The following OSBP2 variants were observed in gnomAD, a reference collection of about 807,000 sequenced individuals.
OSBP2 encodes oxysterol-binding protein 2.
OSBP2 carries 66 observed loss-of-function variants against 96.0 expected under a neutral mutation model. The observed-to-expected ratio is 0.69, with a 90% confidence interval of 0.56 to 0.84. OSBP2 has a LOEUF of 0.84. OSBP2 is among the 40% of genes least tolerant of loss of function. The pLI is 0.00. For missense variants in OSBP2, 1,038 were observed against 1,222.7 expected, an observed-to-expected ratio of 0.85 and a Z score of 2.25; for synonymous variants, 525 against 520.9, an observed-to-expected ratio of 1.01 and a Z score of -0.11.
At chr22:30,742,256 A>T in intron 2 of OSBP2, among the ~76,000 whole-genome samples, 1 of 151,650 alleles carries the variant, frequency 6.6e-6, no homozygotes, top group Non-Finnish European at 1.5e-5. Context: ...CATGGTGAAA[A>T]CCTGTCTGTA....
chr22:30,761,770 T>C (rs1179041202), intron 2 of OSBP2, among the ~76,000 whole-genome samples: 1 of 151,958 alleles, frequency 6.6e-6, no homozygotes, highest in Non-Finnish European at 1.5e-5. Context: ...GAATGGAGAG[T>C]CCAGAAATGG....
chr22:30,876,581 G>C (rs2039584856), intron 3 of OSBP2, among the ~76,000 whole-genome samples: 1 of 152,210 alleles, frequency 6.6e-6, no homozygotes, highest in Non-Finnish European at 1.5e-5. Flanking sequence ...GTTCCCCACA[G>C]GCCACCTGTC....
At chr22:30,799,013 CA>C (rs136275) in intron 2 of OSBP2, among the ~76,000 whole-genome samples, 25,656 of 91,744 alleles carry the variant, frequency 0.28, 2,631 homozygotes, top group Middle Eastern at 0.37. Context: ...GACTCTGTCT[CA>C]AAAAAAAAAA....
At chr22:30,904,624 A>T (rs988552962) in intron 12 of OSBP2, among the ~76,000 whole-genome samples, 1 of 152,072 alleles carries the variant, frequency 6.6e-6, no homozygotes, top group Non-Finnish European at 1.5e-5. Flanking sequence ...ACACATTAGG[A>T]AAGATGGACT....
intron 2 of OSBP2, among the ~76,000 whole-genome samples, chr22:30,847,859 ATTC>A (rs1353875643): frequency 6.6e-6 from 1 of 152,150 alleles, no homozygotes; most frequent in Non-Finnish European, 1.5e-5. Flanking sequence ...CATTTGTATC[ATTC>A]TTTTTTCGTC....
At position 30,870,535 on chromosome 22, in the gene OSBP2, T is replaced by C. The variant is rs2039436610; in HGVS notation, c.960T>C (p.Asn320=). ...SLKLDDLSTC[N]DLIAKHGAAL... is the part of the protein sequence containing the mutation. ...AGTTAGATGACCTCAGCACGTGCAATGACCTCATCGCCAAGCACGGCGCTG... is the reference window on the plus strand; with the variant it reads ...AGTTAGATGACCTCAGCACGTGCAACGACCTCATCGCCAAGCACGGCGCTG... Residue 320 remains asparagine (N), a synonymous_variant, in exon 3 of 14, where the codon AAT becomes AAC. Transcript: ENST00000332585. This position sits in a 1 kb window ranked among gnomAD's most constrained non-coding sequence, Gnocchi z 4.1. 4 of 1,614,076 alleles carry C rather than the reference T, an allele frequency of 2.5e-6. No individual in the cohort carries two copies. The highest frequency in any genetic ancestry group is 1.3e-5 in the African/African-American group (1 of 75,042).
chr22:30,862,543 G>A (rs1048715682), intron 2 of OSBP2, among the ~76,000 whole-genome samples: 1 of 152,162 alleles, frequency 6.6e-6, no homozygotes, highest in African/African-American at 2.4e-5. Flanking sequence ...AGCTGGGCCT[G>A]GTGGCACATG....
At position 30,694,884 on chromosome 22, in the gene OSBP2, C is replaced by T. The variant is rs1443538165; in HGVS notation, c.-26C>T. 11 of 1,164,196 alleles carry T rather than the reference C, an allele frequency of 9.4e-6. No homozygotes were observed. The highest frequency in any genetic ancestry group is 1.2e-5 in the Non-Finnish European group (11 of 913,132). 72.1% of individuals were successfully genotyped at this position (1,164,196 alleles called of 1,614,324 possible). ...CTGCCCCCCGCCCCCACTGGCCGCT[C>T]GGCCGCGCGCGGGTCGGCCGGCTCT... On this transcript the variant is annotated 5_prime_UTR_variant, in exon 1 of 14. Coordinates refer to ENST00000332585, the MANE Select transcript of OSBP2 (RefSeq NM_030758.4).
intron 2 of OSBP2, among the ~76,000 whole-genome samples, chr22:30,856,329 C>T (rs1199590183): frequency 2.0e-5 from 3 of 151,558 alleles, no homozygotes; most frequent in Non-Finnish European, 4.4e-5. Flanking sequence ...GCCCGAGCAC[C>T]AGCTCTTAGT....
chr22:30,870,645 C>G lies in OSBP2; in HGVS notation c.1070C>G (p.Ala357Gly), dbSNP rs1569158694. Reference sequence around the variant, plus strand: ...AAGCTGAAGGTGGTGAATGAGCGGGCCACCCTCTTCCGCATCACATCCAAT... The same window carrying G: ...AAGCTGAAGGTGGTGAATGAGCGGGGCACCCTCTTCCGCATCACATCCAAT... ...GEKLKVVNER[A>G]TLFRITSNAM... Residue 357 changes from alanine (A) to glycine (G), a missense_variant, in exon 3 of 14, where the codon GCC (alanine) becomes GGC (glycine). Ala to Gly is a moderately conservative substitution (Grantham distance 60, BLOSUM62 0). Around this residue, in one of 3 missense-constraint regions of OSBP2, gnomAD observed 737 missense variants for 913.3 expected, o/e 0.81. Coordinates refer to ENST00000332585, the MANE Select transcript of OSBP2 (RefSeq NM_030758.4). The surrounding 1 kb of genome is among the most constrained non-coding windows in gnomAD (Gnocchi z 4.1). 6.2e-7 allele frequency: 1 copy of G among 1,613,834 alleles called. No individual in the cohort carries two copies. The highest frequency in any genetic ancestry group is 1.3e-5 in the African/African-American group (1 of 75,016).
intron 12 of OSBP2, among the ~76,000 whole-genome samples, chr22:30,895,590 G>A (rs2040045839): frequency 6.6e-6 from 1 of 152,238 alleles, no homozygotes; most frequent in South Asian, 2.1e-4. Flanking sequence ...CACATATGGG[G>A]CCATATCCTT....
chr22:30,708,764 C>T (rs929897623), intron 1 of OSBP2, among the ~76,000 whole-genome samples: 2 of 150,970 alleles, frequency 1.3e-5, no homozygotes, highest in Non-Finnish European at 3.0e-5. Flanking sequence ...CTAGGATCAA[C>T]AGGCGTGAGC....
chr22:30,858,889 AAT>A (rs1491211895), intron 2 of OSBP2, among the ~76,000 whole-genome samples: 1 of 148,340 alleles, frequency 6.7e-6, no homozygotes, highest in African/African-American at 2.5e-5. Context: ...CAATAATAAT[AAT>A]AATAATAATA....
chr22:30,804,497 G>A (rs139308177), intron 2 of OSBP2, among the ~76,000 whole-genome samples: 55 of 152,302 alleles, frequency 3.6e-4, no homozygotes, highest in African/African-American at 1.3e-3. Flanking sequence ...GTGAGATGAT[G>A]TGCTGGTTTT....
At chr22:30,746,706 G>A (rs1298043735) in intron 2 of OSBP2, among the ~76,000 whole-genome samples, 2 of 151,854 alleles carry the variant, frequency 1.3e-5, no homozygotes, top group Non-Finnish European at 2.9e-5. Flanking sequence ...TAGCCAGGCT[G>A]GTCTTGAACT....
At chr22:30,756,467 G>T (rs2090141802) in intron 2 of OSBP2, among the ~76,000 whole-genome samples, 2 of 152,146 alleles carry the variant, frequency 1.3e-5, no homozygotes, top group South Asian at 4.1e-4. Context: ...GGCTGAGGTG[G>T]GCGGATCACG....
chr22:30,805,904 A>AGG (rs2090922500), intron 2 of OSBP2, among the ~76,000 whole-genome samples: 1 of 152,198 alleles, frequency 6.6e-6, no homozygotes, highest in Admixed American at 6.5e-5. Flanking sequence ...CTTCCAAGAA[A>AGG]GGTTTTGTGG....
chr22:30,757,038 G>A (rs1020747458), intron 2 of OSBP2, among the ~76,000 whole-genome samples: 5 of 149,982 alleles, frequency 3.3e-5, no homozygotes, highest in Non-Finnish European at 5.9e-5. Context: ...TCTGCTGTGC[G>A]TTGACACCTC....
At chr22:30,863,100 C>T (rs2039256001) in intron 2 of OSBP2, among the ~76,000 whole-genome samples, 1 of 152,144 alleles carries the variant, frequency 6.6e-6, no homozygotes, top group Admixed American at 6.5e-5. Context: ...GGAAACCACC[C>T]AACAGCTGGA....
Sources: allele counts gnomAD v4.1 joint callset (sites outside exome capture counted in the v4.1 genomes callset), GRCh38; gene constraint gnomAD v4.1.1; regional missense constraint gnomAD v4.1.1; non-coding constraint Gnocchi (gnomAD v3.1); transcripts MANE v1.5; gene names NCBI Gene and HGNC (gene_info 2026-07-23, HGNC 2026-07-21).